Variants in NFATC2 observed in about 807,000 individuals in gnomAD.
The protein encoded by NFATC2 is nuclear factor of activated T-cells, cytoplasmic 2.
NFATC2 carries 22 observed loss-of-function variants against 87.3 expected under a neutral mutation model. The ratio of observed to expected loss-of-function variants is 0.25; its 90% CI spans 0.18 to 0.36. The LOEUF (loss-of-function observed/expected upper bound fraction) is 0.36. Among genes scored for constraint, NFATC2 ranks in the 10% least tolerant of loss-of-function variants. The pLI, the probability that NFATC2 is intolerant of heterozygous loss-of-function variation, is 1.00. For missense variants in NFATC2, 1,149 were observed against 1,259.1 expected, an observed-to-expected ratio of 0.91 and a Z score of 1.32; for synonymous variants, 565 against 542.2, an observed-to-expected ratio of 1.04 and a Z score of -0.58.
At chr20:51,479,793 G>A (rs1261569151) in intron 3 of NFATC2, among the ~76,000 whole-genome samples, 4 of 152,134 alleles carry the variant, frequency 2.6e-5, no homozygotes, top group Non-Finnish European at 5.9e-5. Context: ...CTGGCAACTT[G>A]TCCCAGTCAA....
chr20:51,433,724 T>C (rs1236044354), intron 8 of NFATC2, among the ~76,000 whole-genome samples: 1 of 151,534 alleles, frequency 6.6e-6, no homozygotes, highest in Non-Finnish European at 1.5e-5. Context: ...TGTGTGTGCA[T>C]GTGTGTGTGC....
At chr20:51,493,133 G>T (rs996305411) in intron 3 of NFATC2, among the ~76,000 whole-genome samples, 18 of 152,214 alleles carry the variant, frequency 1.2e-4, no homozygotes, top group African/African-American at 4.3e-4. Flanking sequence ...TGGGGGCTAG[G>T]GAGTCGGCAG....
At chr20:51,470,025 G>T (rs1444201540) in intron 5 of NFATC2, among the ~76,000 whole-genome samples, 1 of 152,260 alleles carries the variant, frequency 6.6e-6, no homozygotes, top group Non-Finnish European at 1.5e-5. Flanking sequence ...CACCGAGGAG[G>T]CTGGGCTCAG....
chr20:51,536,145 G>A (rs957436751), intron 1 of NFATC2, among the ~76,000 whole-genome samples: 2 of 152,186 alleles, frequency 1.3e-5, no homozygotes, highest in Admixed American at 1.3e-4. Context: ...GTTTTCCAAT[G>A]AGTATAATCC....
intron 3 of NFATC2, among the ~76,000 whole-genome samples, chr20:51,492,814 C>G (rs1316786980): frequency 6.6e-6 from 1 of 152,274 alleles, no homozygotes; most frequent in East Asian, 1.9e-4. Flanking sequence ...TCGCAGTTTT[C>G]CTTTCAACTG....
intron 6 of NFATC2, among the ~76,000 whole-genome samples, chr20:51,439,611 G>GA (rs961839106): frequency 1.1e-4 from 17 of 152,030 alleles, no homozygotes; most frequent in African/African-American, 3.9e-4. Flanking sequence ...CCCATGGGGG[G>GA]CAGGGGGAAA....
At chr20:51,551,651 C>A (rs572809007) in intron 1 of NFATC2, among the ~76,000 whole-genome samples, 3 of 150,996 alleles carry the variant, frequency 2.0e-5, no homozygotes, top group East Asian at 1.9e-4. Flanking sequence ...CTCAAGCTAC[C>A]GCATCTGGCC....
At chr20:51,554,578 T>A (rs1181459370) in intron 1 of NFATC2, among the ~76,000 whole-genome samples, 2 of 152,256 alleles carry the variant, frequency 1.3e-5, no homozygotes, top group Non-Finnish European at 2.9e-5. Context: ...TTGTCTTTGC[T>A]GAGAGCGTCA....
chr20:51,521,713 A>C (rs1478300417), intron 2 of NFATC2, among the ~76,000 whole-genome samples: 1 of 152,254 alleles, frequency 6.6e-6, no homozygotes, highest in Non-Finnish European at 1.5e-5. Context: ...TGGTAATAGC[A>C]TGAGTCTTCC....
chr20:51,474,976 T>A (rs958435850), intron 4 of NFATC2, among the ~76,000 whole-genome samples: 12 of 151,482 alleles, frequency 7.9e-5, no homozygotes, highest in African/African-American at 2.7e-4. Context: ...TATTTATTTT[T>A]TTTTTTTTTT....
intron 9 of NFATC2, among the ~76,000 whole-genome samples, chr20:51,401,880 A>C (rs1468264794): frequency 1.3e-5 from 2 of 152,208 alleles, no homozygotes; most frequent in Admixed American, 6.5e-5. Flanking sequence ...TACAGACAAA[A>C]GTACAGACCC....
chr20:51,483,574 T>C (rs558476106), intron 3 of NFATC2, among the ~76,000 whole-genome samples: 1 of 151,468 alleles, frequency 6.6e-6, no homozygotes, highest in East Asian at 2.0e-4. Context: ...TTGCAGCACG[T>C]ACCTGCCATC....
intron 6 of NFATC2, among the ~76,000 whole-genome samples, chr20:51,439,893 G>A (rs1825819858): frequency 1.3e-5 from 2 of 152,102 alleles, no homozygotes; most frequent in South Asian, 4.1e-4. Context: ...CACACCTTAT[G>A]GGGTCGTTCT....
chr20:51,451,102 A>G (rs1400831082), intron 6 of NFATC2, among the ~76,000 whole-genome samples: 1 of 152,200 alleles, frequency 6.6e-6, no homozygotes, highest in Non-Finnish European at 1.5e-5. Context: ...AATAGAAACC[A>G]CTCAGTCAAC....
intron 1 of NFATC2, among the ~76,000 whole-genome samples, chr20:51,525,901 C>T (rs1386775132): frequency 2.0e-5 from 3 of 151,634 alleles, no homozygotes; most frequent in African/African-American, 7.3e-5. Context: ...ACTAACGCAG[C>T]ATGTGCCCCG....
chr20:51,464,335 G>A (rs925232743), intron 5 of NFATC2, among the ~76,000 whole-genome samples: 1 of 152,224 alleles, frequency 6.6e-6, no homozygotes, highest in African/African-American at 2.4e-5. Context: ...CACCCTGAGG[G>A]AGGTACTATT....
rs574226270 is a variant in NFATC2 at position 51,492,002 on chromosome 20, C to T, written c.1333-16342G>A. 1.4e-4 allele frequency among the ~76,000 whole-genome samples: 22 copies of T among 152,048 alleles called. No homozygotes were observed. In the East Asian group the frequency reaches 3.5e-3, roughly 24 times the overall value. On this transcript the variant is annotated intron_variant, in intron 3 of 10. Coordinates refer to ENST00000371564, the MANE Select transcript of NFATC2 (RefSeq NM_012340.5). Reference sequence around the variant, plus strand: ...CTGCACACACATACCCCCAGCCCCGCGCCCCCGGAGTGCCATGAACACCCC... The same window carrying T: ...CTGCACACACATACCCCCAGCCCCGTGCCCCCGGAGTGCCATGAACACCCC...
intron 9 of NFATC2, among the ~76,000 whole-genome samples, chr20:51,422,427 C>CA (rs1250935876): frequency 3.3e-5 from 5 of 152,050 alleles, no homozygotes; most frequent in African/African-American, 1.2e-4. Context: ...TCTGGATGGG[C>CA]AAAACAGGCC....
intron 5 of NFATC2, among the ~76,000 whole-genome samples, chr20:51,466,517 A>G (rs989754650): frequency 1.3e-5 from 2 of 151,368 alleles, no homozygotes; most frequent in African/African-American, 4.8e-5. Context: ...AAAAAAAGGC[A>G]TCAGAAATAG....
Sources: allele counts gnomAD v4.1 joint callset (sites outside exome capture counted in the v4.1 genomes callset), GRCh38; gene constraint gnomAD v4.1.1; transcripts MANE v1.5; gene names NCBI Gene and HGNC (gene_info 2026-07-23, HGNC 2026-07-21).